The following SLC29A4 variants were observed in gnomAD, a reference collection of about 807,000 sequenced individuals.
SLC29A4 encodes the protein solute carrier family 29 member 4, also known as equilibrative nucleoside transporter 4.
Under a neutral mutation model 43.9 loss-of-function variants are expected in SLC29A4, and 36 were observed. The observed-to-expected ratio is 0.82, with a 90% CI of 0.63 to 1.08. The LOEUF (loss-of-function observed/expected upper bound fraction) is 1.08, where lower values mean the gene tolerates loss of function less well. Ranked by LOEUF, SLC29A4 falls within the 50% of genes least tolerant of loss-of-function variation. The probability of loss-of-function intolerance (pLI) is 0.00; values close to 1 mark genes in which losing one functional copy is unlikely to be tolerated. For synonymous variants in SLC29A4, 491 were observed against 338.0 expected (o/e 1.45, Z -4.97); for missense variants, 869 against 755.3 (o/e 1.15, Z -1.77).
rs143510874 is a variant in SLC29A4 at position 5,298,900 on chromosome 7, C to T, written c.883-88C>T. 2.7e-5 allele frequency: 39 copies of T among 1,454,042 alleles called. 1 individual carries two copies. Among genetic ancestry groups the T allele is most frequent in the Middle Eastern group, 2.5e-4 (1 of 4,024 alleles). The allele number at this position is 1,454,042 out of a possible 1,614,324, so 90.1% of individuals were successfully genotyped here. A position where few individuals can be genotyped will look rare whatever the true frequency, so the allele number is the denominator to read the frequency against. ...CTGAATGTCAGCGCCAGCCCCAGTGCGGCTCTTCTGATTGGGCCTGGATTC... is the reference window on the plus strand; with the variant it reads ...CTGAATGTCAGCGCCAGCCCCAGTGTGGCTCTTCTGATTGGGCCTGGATTC... On this transcript the variant is annotated intron_variant, in intron 7 of 10. Transcript: ENST00000396872.
chr7:5,287,045 G>A (rs186622898), intron 1 of SLC29A4, among the ~76,000 whole-genome samples: 10 of 152,258 alleles, frequency 6.6e-5, no homozygotes, highest in African/African-American at 1.9e-4. Context: ...GTTGCTCCCC[G>A]GGACAGCAGT....
In SLC29A4 at chr7:5,305,662, A is replaced by T. The variant is rs1786449383; in HGVS notation, c.*2723A>T. ...AACCTCTGCCTGCCGGGTTCAAGCGATTCTCCTGCCTCAGCCTCCCGAGTA... is the reference window on the plus strand; with the variant it reads ...AACCTCTGCCTGCCGGGTTCAAGCGTTTCTCCTGCCTCAGCCTCCCGAGTA... On this transcript the variant is annotated 3_prime_UTR_variant, in exon 11 of 11. Coordinates refer to ENST00000396872, the MANE Select transcript of SLC29A4 (RefSeq NM_153247.4). 1 of 147,088 alleles carries T rather than the reference A, an allele frequency of 6.8e-6. No homozygotes were observed. Among genetic ancestry groups the T allele is most frequent in the Non-Finnish European group, 1.5e-5 (1 of 67,630 alleles). 9.1% of individuals were successfully genotyped at this position (147,088 alleles called of 1,614,324 possible).
intron 6 of SLC29A4, among the ~76,000 whole-genome samples, 195 bp downstream of exon 6, chr7:5,295,129 G>A (rs1324045456): frequency 6.6e-6 from 1 of 152,132 alleles, no homozygotes; most frequent in Non-Finnish European, 1.5e-5. Context: ...CTCCCACATG[G>A]GAGGGACATG....
rs752684921 is a variant in SLC29A4 at position 5,291,153 on chromosome 7, A to T, written c.331A>T (p.Thr111Ser). 29 of 1,613,424 alleles carry T rather than the reference A, an allele frequency of 1.8e-5. No homozygotes were observed. Among genetic ancestry groups the T allele is most frequent in the African/African-American group, 2.7e-5 (2 of 74,776 alleles). Residue 111 changes from threonine to serine, a missense_variant, in exon 4 of 11, where the codon ACC becomes TCC. Thr to Ser is a moderately conservative substitution (Grantham distance 58). Transcript: ENST00000396872. ...CTCCATCGTGTTTGACATGAGCCTC[A>T]CCTACATCTTGGTGGCACTGGCAGC... ...GTSIVFDMSL[T>S]YILVALAAVL...
intron 7 of SLC29A4, 67 bp downstream of exon 7, chr7:5,297,265 G>C: frequency 7.6e-6 from 11 of 1,439,028 alleles, no homozygotes; most frequent in Non-Finnish European, 1.0e-5. Flanking sequence ...GCTTCGTCGG[G>C]AAGTACCTGG....
chr7:5,296,885 G>C (rs756068962), intron 6 of SLC29A4, 51 bp from the exon 7 acceptor site: 1 of 1,424,798 alleles, frequency 7.0e-7, no homozygotes, highest in East Asian at 2.3e-5. Context: ...GGACGGGGCG[G>C]TGCAGGGAGC....
At chr7:5,300,777 A>G in intron 10 of SLC29A4, 115 bp downstream of exon 10, 1 of 1,391,210 alleles carries the variant, frequency 7.2e-7, no homozygotes, top group Non-Finnish European at 9.6e-7. Context: ...GGGGTTCAGA[A>G]CAGTCAGTGT....
chr7:5,296,864 G>C, intron 6 of SLC29A4, 72 bp from the exon 7 acceptor site: 2 of 1,462,128 alleles, frequency 1.4e-6, no homozygotes, highest in African/African-American at 1.4e-5. Flanking sequence ...TGTGTGGACG[G>C]GGCTGGGGCG....
chr7:5,296,055 G>A (rs1244122883), intron 6 of SLC29A4, among the ~76,000 whole-genome samples: 1 of 152,022 alleles, frequency 6.6e-6, no homozygotes, highest in Non-Finnish European at 1.5e-5. Flanking sequence ...CCGGCCTCGT[G>A]ACCCTAATGG....
In SLC29A4 at chr7:5,291,305, C is replaced by T. The variant is rs1235276095; in HGVS notation, c.415+68C>T. ...CCACCTGCCTGGCCGGTCACCCACT[C>T]ACCCAGTTTCCCTGAGCCTCACTCC... On this transcript the variant is annotated intron_variant, in intron 4 of 10. Transcript: ENST00000396872. 27 of 1,424,992 alleles carry T rather than the reference C, an allele frequency of 1.9e-5. No individual in the cohort carries two copies. The African/African-American group carries it at 3.0e-4, about 16-fold the overall frequency. The allele number at this position is 1,424,992 out of a possible 1,614,324, so 88.3% of individuals were successfully genotyped here. A position where few individuals can be genotyped will look rare whatever the true frequency, so the allele number is the denominator to read the frequency against.
At chr7:5,290,411 G>C (rs963158507) in intron 2 of SLC29A4, among the ~76,000 whole-genome samples, 1 of 152,048 alleles carries the variant, frequency 6.6e-6, no homozygotes, top group Admixed American at 6.6e-5. Flanking sequence ...TGGCCAGGCT[G>C]GTCTCGAACT....
At chr7:5,285,527 T>C (rs1784893498) in intron 1 of SLC29A4, among the ~76,000 whole-genome samples, 1 of 152,222 alleles carries the variant, frequency 6.6e-6, no homozygotes, top group African/African-American at 2.4e-5. Context: ...GGCCCCCTTT[T>C]AGGCCCCAGT....
intron 5 of SLC29A4, among the ~76,000 whole-genome samples, chr7:5,294,155 G>C (rs1276113937): frequency 1.3e-5 from 2 of 151,992 alleles, no homozygotes; most frequent in African/African-American, 4.8e-5. Flanking sequence ...AGTCCAGGAT[G>C]GTCTTGAACT....
intron 1 of SLC29A4, among the ~76,000 whole-genome samples, chr7:5,285,288 C>T (rs1784878787): frequency 6.6e-6 from 1 of 151,170 alleles, no homozygotes; most frequent in Non-Finnish European, 1.5e-5. Context: ...CCCCCCAGCT[C>T]CAGATGTGGC....
chr7:5,302,596 A>C (rs1402801298), intron 10 of SLC29A4, among the ~76,000 whole-genome samples: 4 of 152,202 alleles, frequency 2.6e-5, no homozygotes, highest in Non-Finnish European at 5.9e-5. Context: ...CAAGGCCTGG[A>C]GTGCATAGCA....
At position 5,303,193 on chromosome 7, in the gene SLC29A4, G is replaced by C; in HGVS notation, c.*254G>C. ...GTTCTGCGTTTGGTCTCATACCTGCGTCTACCTTCCATCTGTGTCCAGCGG... is the reference window on the plus strand; with the variant it reads ...GTTCTGCGTTTGGTCTCATACCTGCCTCTACCTTCCATCTGTGTCCAGCGG... On this transcript the variant is annotated 3_prime_UTR_variant, in exon 11 of 11. Coordinates refer to ENST00000396872, the MANE Select transcript of SLC29A4 (RefSeq NM_153247.4). 1 of 567,514 alleles carries C rather than the reference G, an allele frequency of 1.8e-6. No homozygotes were observed. The highest frequency in any genetic ancestry group is 3.0e-5 in the East Asian group (1 of 33,542). 35.2% of individuals were successfully genotyped at this position (567,514 alleles called of 1,614,324 possible). A position where few individuals can be genotyped will look rare whatever the true frequency, so the allele number is the denominator to read the frequency against.
At position 5,287,009 on chromosome 7, in the gene SLC29A4, C is replaced by T. The variant is rs567680398; in HGVS notation, c.-8-800C>T. ...CCACTCCATCTATTTCTCACCGTGC[C>T]CACTGCCACCATGCAGGCCACCTTG... On this transcript the variant is annotated intron_variant, in intron 1 of 10. Transcript: ENST00000396872. 1.3e-4 allele frequency among the ~76,000 whole-genome samples: 20 copies of T among 152,334 alleles called. 1 individual carries two copies. The highest frequency in any genetic ancestry group is 2.6e-4 in the Non-Finnish European group (18 of 68,030).
intron 5 of SLC29A4, among the ~76,000 whole-genome samples, chr7:5,293,649 A>G (rs1785456413): frequency 6.6e-6 from 1 of 151,526 alleles, no homozygotes; most frequent in Admixed American, 6.6e-5. Context: ...CTGTGACTAG[A>G]TTTTATTTTT....
chr7:5,291,255 A>C lies in SLC29A4; in HGVS notation c.415+18A>C. 6.2e-7 allele frequency: 1 copy of C among 1,604,448 alleles called. No individual in the cohort carries two copies. The highest frequency in any genetic ancestry group is 1.1e-5 in the South Asian group (1 of 90,474). ...CACCGCAGGTGCGCTGGGCCCCGCC[A>C]CGGGACACCTGCCTGTCATGGCTTC... is the stretch of plus-strand genomic sequence containing the variant. On this transcript the variant is annotated intron_variant, in intron 4 of 10. Coordinates refer to ENST00000396872, the MANE Select transcript of SLC29A4 (RefSeq NM_153247.4).
Sources: gnomAD v4.1 joint callset for allele counts (sites outside exome capture counted in the v4.1 genomes callset) on GRCh38, gnomAD v4.1.1 for gene constraint, MANE v1.5 for transcripts, NCBI Gene and HGNC (gene_info 2026-07-23, HGNC 2026-07-21) for gene names.